Variants in DSC3 observed in about 807,000 individuals in gnomAD.
DSC3 encodes desmocollin 3.
A neutral mutation model predicts 89.5 loss-of-function variants in DSC3; 97 were observed. The observed-to-expected ratio is 1.08, with a 90% CI of 0.92 to 1.28. The LOEUF (loss-of-function observed/expected upper bound fraction) is 1.28, where lower values mean the gene tolerates loss of function less well. Ranked by LOEUF, DSC3 falls within the 50% of genes most tolerant of loss-of-function variation. The probability of loss-of-function intolerance (pLI) is 0.00; values close to 1 mark genes in which losing one functional copy is unlikely to be tolerated. For synonymous variants in DSC3, 436 were observed against 384.1 expected (o/e 1.14, Z -1.58); for missense variants, 1,199 against 1,085.3 (o/e 1.10, Z -1.47).
At chr18:31,011,931 G>GAA (rs369310412) in intron 9 of DSC3, among the ~76,000 whole-genome samples, 15 of 28,406 alleles carry the variant, frequency 5.3e-4, no homozygotes, top group African/African-American at 1.0e-3. Flanking sequence ...CCAAAAAAAA[G>GAA]AAAAAAAAAA....
rs1440142797 is a variant in DSC3, at chr18:30,990,762, A to C, written c.*3413T>G. On this transcript the variant is annotated 3_prime_UTR_variant, in exon 16 of 16. Transcript: ENST00000360428. Reference sequence around the variant, plus strand: ...AGTAAAACCCCTGTGTCAGTGTACTATTCATGGAATACTCTGCAATTATAA... The same window carrying C: ...AGTAAAACCCCTGTGTCAGTGTACTCTTCATGGAATACTCTGCAATTATAA... The C allele has an allele frequency of 9.9e-5, 15 of 152,194 alleles. No homozygotes were observed. The highest frequency in any genetic ancestry group is 1.8e-4 in the Non-Finnish European group (12 of 68,030). 9.4% of individuals were successfully genotyped at this position (152,194 alleles called of 1,614,324 possible).
intron 13 of DSC3, 24 bp from the exon 14 acceptor site, chr18:31,001,763 A>G (rs376351523): frequency 4.6e-5 from 72 of 1,553,572 alleles, no homozygotes; most frequent in South Asian, 1.6e-4. Flanking sequence ...TAAAAATAAA[A>G]TAACTTACTT....
intron 14 of DSC3, among the ~76,000 whole-genome samples, chr18:31,000,502 A>C (rs1329897583): frequency 1.3e-5 from 2 of 152,184 alleles, no homozygotes; most frequent in African/African-American, 4.8e-5. Context: ...TTACCATGAG[A>C]ATAAATCCGA....
intron 7 of DSC3, 56 bp downstream of exon 7, chr18:31,022,280 G>A: frequency 6.3e-7 from 1 of 1,596,450 alleles, no homozygotes; most frequent in Non-Finnish European, 8.6e-7. Context: ...TATAATAAAT[G>A]GGGGAGGGAA....
chr18:31,009,212 A>G (rs1482134512), intron 9 of DSC3, among the ~76,000 whole-genome samples: 1 of 151,496 alleles, frequency 6.6e-6, no homozygotes, highest in African/African-American at 2.4e-5. Flanking sequence ...CACCATAATC[A>G]GCTAATTTTT....
rs1227903176 is a variant in DSC3, at chr18:30,989,512, C to G, written c.*4663G>C. 6.6e-6 allele frequency among the ~76,000 whole-genome samples: 1 copy of G among 152,002 alleles called. No individual in the cohort carries two copies. Among genetic ancestry groups the G allele is most frequent in the Admixed American group, 6.6e-5 (1 of 15,256 alleles). ...TCCTCTTGGGGTGATGAAAATGTTCCAGAACTAGATAGTGGTAACAGTTTC... is the reference window on the plus strand; with the variant it reads ...TCCTCTTGGGGTGATGAAAATGTTCGAGAACTAGATAGTGGTAACAGTTTC... On this transcript the variant is annotated 3_prime_UTR_variant, in exon 16 of 16. Coordinates refer to ENST00000360428, the MANE Select transcript of DSC3 (RefSeq NM_001941.5).
chr18:31,000,522 T>C (rs1035037510), intron 14 of DSC3, among the ~76,000 whole-genome samples: 3 of 152,176 alleles, frequency 2.0e-5, no homozygotes, highest in African/African-American at 4.8e-5. Flanking sequence ...AAATCCTTAG[T>C]GCAGCATTTA....
Position 30,994,255 on chromosome 18 carries a change from G to T in DSC3, c.2611C>A (p.Gln871Lys), listed in dbSNP as rs1335617819. Residue 871 changes from glutamine (Q) to lysine (K), a missense_variant, in exon 16 of 16, where the codon CAG becomes AAG. By Grantham distance (53) the Gln-to-Lys change is moderately conservative. Transcript: ENST00000360428. ...AGSVGCCSEK[Q>K]EEDGLDFLNN... ...AAAAAGTCAAGGCCATCTTCTTCCTGCTTTTCACTGCAGCAGCCCACAGAA... is the reference window on the plus strand; with the variant it reads ...AAAAAGTCAAGGCCATCTTCTTCCTTCTTTTCACTGCAGCAGCCCACAGAA... 4 of 1,613,918 alleles carry T rather than the reference G, an allele frequency of 2.5e-6. No individual in the cohort carries two copies. The highest frequency in any genetic ancestry group is 2.5e-6 in the Non-Finnish European group (3 of 1,179,992).
At chr18:31,031,273 G>A in intron 2 of DSC3, 101 bp from the exon 3 acceptor site, 1 of 804,460 alleles carries the variant, frequency 1.2e-6, no homozygotes, top group Non-Finnish European at 2.0e-6. Context: ...GAAGTGGGAT[G>A]AAATAAGCCA....
intron 13 of DSC3, among the ~76,000 whole-genome samples, chr18:31,003,213 A>C (rs1014040128): frequency 1.3e-5 from 2 of 152,094 alleles, no homozygotes; most frequent in Non-Finnish European, 2.9e-5. Context: ...CCTCCTCACC[A>C]ACACACTCCA....
chr18:31,005,137 G>C (rs1284500587), intron 12 of DSC3, among the ~76,000 whole-genome samples: 1 of 152,190 alleles, frequency 6.6e-6, no homozygotes, highest in Admixed American at 6.5e-5. Flanking sequence ...CTCTGCTGTA[G>C]CTGTAAGAAT....
intron 14 of DSC3, among the ~76,000 whole-genome samples, chr18:30,997,955 G>A (rs924671054): frequency 6.6e-6 from 1 of 152,130 alleles, no homozygotes; most frequent in African/African-American, 2.4e-5. Flanking sequence ...CATAAGATTA[G>A]GGTTGGGGGG....
At chr18:31,031,860 A>G (rs1985802043) in intron 2 of DSC3, among the ~76,000 whole-genome samples, 1 of 152,232 alleles carries the variant, frequency 6.6e-6, no homozygotes, top group Non-Finnish European at 1.5e-5. Flanking sequence ...TTGTCTTAAC[A>G]TAAGGCAAAT....
At chr18:31,018,406 G>T in intron 8 of DSC3, 150 bp from the exon 9 acceptor site, 1 of 754,532 alleles carries the variant, frequency 1.3e-6, no homozygotes, top group Non-Finnish European at 2.1e-6. Flanking sequence ...TTTCATTAAG[G>T]GTTATCTTTT....
chr18:30,996,506 A>G (rs1336537765), intron 15 of DSC3, among the ~76,000 whole-genome samples: 7 of 152,184 alleles, frequency 4.6e-5, no homozygotes, highest in Non-Finnish European at 1.5e-5. Flanking sequence ...TTCTATATCA[A>G]AAGGGTTCAT....
chr18:31,020,878 G>A (rs985084561), intron 7 of DSC3, among the ~76,000 whole-genome samples: 9 of 152,106 alleles, frequency 5.9e-5, no homozygotes, highest in Admixed American at 2.6e-4. Context: ...GGAGGTACAG[G>A]TTGCAGTGCA....
intron 1 of DSC3, among the ~76,000 whole-genome samples, chr18:31,032,585 T>TGTGC (rs1555634792): frequency 8.5e-6 from 1 of 117,652 alleles, no homozygotes; most frequent in Admixed American, 8.5e-5. Flanking sequence ...TGTGTGTGTG[T>TGTGC]GTGTGCGTGT....
intron 1 of DSC3, 123 bp downstream of exon 1, chr18:31,042,469 C>T (rs1476564023): frequency 7.0e-6 from 7 of 995,824 alleles, no homozygotes; most frequent in Non-Finnish European, 1.1e-5. Flanking sequence ...CTACCAGACC[C>T]GCAGCATTGA....
intron 4 of DSC3, among the ~76,000 whole-genome samples, chr18:31,028,762 C>A (rs559226557): frequency 2.6e-5 from 4 of 152,214 alleles, no homozygotes; most frequent in East Asian, 1.9e-4. Context: ...GAAAACTAAA[C>A]CTGATCATGT....
Sources: allele counts gnomAD v4.1 joint callset (sites outside exome capture counted in the v4.1 genomes callset), GRCh38; gene constraint gnomAD v4.1.1; transcripts MANE v1.5; gene names NCBI Gene and HGNC (gene_info 2026-07-23, HGNC 2026-07-21).